Variants in MARCHF8 observed in about 807,000 individuals in gnomAD.
MARCHF8 encodes membrane associated ring-CH-type finger 8.
MARCHF8 carries 40 observed loss-of-function variants against 51.6 expected under a neutral mutation model. The observed-to-expected ratio is 0.77, with a 90% CI of 0.60 to 1.01. MARCHF8 has a LOEUF of 1.01. MARCHF8 is among the 50% of genes least tolerant of loss of function. The pLI, the probability that MARCHF8 is intolerant of heterozygous loss-of-function variation, is 0.00. For missense variants in MARCHF8, 685 were observed against 708.6 expected (o/e 0.97, Z 0.38); for synonymous variants, 263 against 280.3 (o/e 0.94, Z 0.62).
chr10:45,522,193 T>C (rs1288348312), intron 2 of MARCHF8, among the ~76,000 whole-genome samples: 1 of 152,212 alleles, frequency 6.6e-6, no homozygotes, highest in African/African-American at 2.4e-5. Context: ...TTTCAGTTAT[T>C]ATCAAAGTTT....
At position 45,455,351 on chromosome 10, in the gene MARCHF8, C is replaced by T. The variant is rs1486411113; in HGVS notation, c.*2888G>A. On this transcript the variant is annotated 3_prime_UTR_variant, in exon 8 of 8. Transcript: ENST00000453424. Reference sequence around the variant, plus strand: ...AAGACCAAATTGCTGAGGCCAGAAGCCTGCTTATGGTACTGTGACTTATGG... The same window carrying T: ...AAGACCAAATTGCTGAGGCCAGAAGTCTGCTTATGGTACTGTGACTTATGG... 6.6e-6 allele frequency: 1 copy of T among 152,256 alleles called. No individual in the cohort carries two copies. Among genetic ancestry groups the T allele is most frequent in the African/African-American group, 2.4e-5 (1 of 41,446 alleles). 9.4% of individuals were successfully genotyped at this position (152,256 alleles called of 1,614,324 possible).
intron 3 of MARCHF8, among the ~76,000 whole-genome samples, chr10:45,488,081 C>A (rs1245675901): frequency 6.6e-6 from 1 of 152,112 alleles, no homozygotes; most frequent in Non-Finnish European, 1.5e-5. Flanking sequence ...ATACACTCTG[C>A]TGGTTCCCAG....
At chr10:45,475,975 A>C (rs1045304505) in intron 3 of MARCHF8, among the ~76,000 whole-genome samples, 9 of 152,198 alleles carry the variant, frequency 5.9e-5, no homozygotes, top group Non-Finnish European at 1.2e-4. Flanking sequence ...CTTATAGCCA[A>C]AGAAATCATA....
intron 2 of MARCHF8, among the ~76,000 whole-genome samples, chr10:45,529,698 AT>A (rs1288704662): frequency 3.9e-5 from 6 of 152,236 alleles, no homozygotes; most frequent in Admixed American, 3.9e-4. Flanking sequence ...GCCAAGAAAC[AT>A]TTAAAAAGTT....
At chr10:45,469,864 CAAAAAAAAAAAAAAAA>C (rs55832920) in intron 3 of MARCHF8, among the ~76,000 whole-genome samples, 7 of 57,028 alleles carry the variant, frequency 1.2e-4, no homozygotes, top group East Asian at 6.9e-4. Context: ...GACTCCGTCT[CAAAAAAAAAAAAAAAA>C]AAAAAAAAAA....
intron 3 of MARCHF8, among the ~76,000 whole-genome samples, chr10:45,468,902 A>ACAGGATGACAACTGCCCT (rs1843061605): frequency 6.6e-6 from 1 of 152,154 alleles, no homozygotes; most frequent in Admixed American, 6.5e-5. Flanking sequence ...GTAAACCTCC[A>ACAGGATGACAACTGCCCT]CAGGATGACA....
intron 4 of MARCHF8, 116 bp from the exon 5 acceptor site, chr10:45,464,112 T>A: frequency 6.5e-7 from 1 of 1,527,298 alleles, no homozygotes; most frequent in Non-Finnish European, 8.9e-7. Context: ...AAACCACACA[T>A]AAAACTCGCC....
chr10:45,577,616 TCAC>T (rs1382744991), intron 1 of MARCHF8, among the ~76,000 whole-genome samples: 5 of 151,966 alleles, frequency 3.3e-5, no homozygotes, highest in Non-Finnish European at 7.4e-5. Context: ...AAGAAGGCCC[TCAC>T]CAGAGAATGA....
At chr10:45,512,712 G>C (rs1467719911) in intron 2 of MARCHF8, among the ~76,000 whole-genome samples, 1 of 152,116 alleles carries the variant, frequency 6.6e-6, no homozygotes, top group Non-Finnish European at 1.5e-5. Context: ...CCACCACCCC[G>C]TCTGGGAGGT....
At position 45,466,796 on chromosome 10, in the gene MARCHF8, T is replaced by C. The variant is rs182101356; in HGVS notation, c.154-2469A>G. Among the ~76,000 whole-genome samples the C allele has an allele frequency of 2.0e-5, 3 of 152,256 alleles. No individual in the cohort carries two copies. In the East Asian group the frequency reaches 5.8e-4, roughly 29 times the overall value. ...GGGAAATTAAAGTTCTGAACTCCAG[T>C]ACTAAACTACAAGTAATCCAAGTCA... On this transcript the variant is annotated intron_variant, in intron 3 of 7. Coordinates refer to ENST00000453424, the MANE Select transcript of MARCHF8 (RefSeq NM_001282866.2).
At chr10:45,494,488 T>G (rs2043137827) in intron 2 of MARCHF8, among the ~76,000 whole-genome samples, 1 of 152,166 alleles carries the variant, frequency 6.6e-6, no homozygotes. Context: ...ACATACTCAA[T>G]ACCTATCTCC....
At chr10:45,594,819 A>G (rs2044722578) in exon 1 of MARCHF8, 1 of 152,460 alleles carries the variant, frequency 6.6e-6, no homozygotes. Flanking sequence ...CGCCTCGAGC[A>G]TGCCCGAGAC....
intron 1 of MARCHF8, among the ~76,000 whole-genome samples, chr10:45,589,785 T>C (rs1361677709): frequency 6.6e-6 from 1 of 152,242 alleles, no homozygotes; most frequent in African/African-American, 2.4e-5. Flanking sequence ...ACTGCATGGA[T>C]AGACCACATT....
chr10:45,591,138 T>C (rs747077415), intron 1 of MARCHF8, among the ~76,000 whole-genome samples: 3 of 152,204 alleles, frequency 2.0e-5, no homozygotes, highest in Admixed American at 6.5e-5. Context: ...TAAGAACTAA[T>C]GATAATCCAC....
At chr10:45,518,916 C>T (rs1006134108) in intron 2 of MARCHF8, among the ~76,000 whole-genome samples, 2 of 152,144 alleles carry the variant, frequency 1.3e-5, no homozygotes, top group African/African-American at 4.8e-5. Flanking sequence ...AGCTTTTAAA[C>T]CACTGTACTT....
chr10:45,464,563 A>G (rs1481494974), intron 3 of MARCHF8, among the ~76,000 whole-genome samples: 1 of 152,208 alleles, frequency 6.6e-6, no homozygotes, highest in Non-Finnish European at 1.5e-5. Context: ...ACCACTACTA[A>G]TCTCTTGCAG....
At chr10:45,592,933 T>A (rs2133452643) in intron 1 of MARCHF8, among the ~76,000 whole-genome samples, 2 of 152,340 alleles carry the variant, frequency 1.3e-5, no homozygotes, top group Admixed American at 1.3e-4. Flanking sequence ...AAAAATTCAC[T>A]GTTTATCTGA....
chr10:45,513,461 G>A (rs1186759552), intron 2 of MARCHF8, among the ~76,000 whole-genome samples: 2 of 152,132 alleles, frequency 1.3e-5, no homozygotes, highest in African/African-American at 4.8e-5. Context: ...TGAAAACAGT[G>A]TAGAAAGAGA....
At chr10:45,587,682 C>T in intron 1 of MARCHF8, among the ~76,000 whole-genome samples, 1 of 151,976 alleles carries the variant, frequency 6.6e-6, no homozygotes, top group East Asian at 1.9e-4. Flanking sequence ...AATTTCAAAC[C>T]TCATATAAAG....
Sources: allele counts gnomAD v4.1 joint callset (sites outside exome capture counted in the v4.1 genomes callset), GRCh38; gene constraint gnomAD v4.1.1; transcripts MANE v1.5; gene names NCBI Gene and HGNC (gene_info 2026-07-23, HGNC 2026-07-21).